The following PRPF6 variants were observed in gnomAD, a reference collection of about 807,000 sequenced individuals.
PRPF6 encodes the protein pre-mRNA-processing factor 6.
Under a neutral mutation model 118.3 loss-of-function variants are expected in PRPF6, and 42 were observed. The observed-to-expected ratio is 0.35, with a 90% CI of 0.28 to 0.46. PRPF6 has a LOEUF of 0.46. Among genes scored for constraint, PRPF6 ranks in the 20% least tolerant of loss-of-function variants. PRPF6 has a pLI of 1.00. For synonymous variants in PRPF6, 481 were observed against 485.1 expected (o/e 0.99, Z 0.11); for missense variants, 662 against 1,255.7 (o/e 0.53, Z 7.15).
At chr20:63,984,635 A>G (rs541805311) in intron 2 of PRPF6, among the ~76,000 whole-genome samples, 1 of 152,246 alleles carries the variant, frequency 6.6e-6, no homozygotes, top group African/African-American at 2.4e-5. Flanking sequence ...TTTTCCATGA[A>G]TGTCCGCTTT....
At chr20:64,014,138 C>T (rs1473651378) in intron 11 of PRPF6, among the ~76,000 whole-genome samples, 1 of 151,832 alleles carries the variant, frequency 6.6e-6, no homozygotes, top group Non-Finnish European at 1.5e-5. Context: ...CGCGGTTTTG[C>T]CATGTTGTTC....
chr20:64,023,833 G>A (rs778961285), intron 13 of PRPF6, among the ~76,000 whole-genome samples: 1 of 152,224 alleles, frequency 6.6e-6, no homozygotes, highest in Non-Finnish European at 1.5e-5. Flanking sequence ...TGACCCCTGG[G>A]CACAGTGGGC....
At chr20:64,010,684 G>A (rs185079416) in intron 10 of PRPF6, among the ~76,000 whole-genome samples, 7 of 152,296 alleles carry the variant, frequency 4.6e-5, no homozygotes, top group African/African-American at 7.2e-5. Context: ...TGTCAGCTCC[G>A]CATGACTGCT....
At chr20:64,000,647 C>T (rs1017910866) in intron 8 of PRPF6, among the ~76,000 whole-genome samples, 1 of 151,532 alleles carries the variant, frequency 6.6e-6, no homozygotes, top group Non-Finnish European at 1.5e-5. Flanking sequence ...CAGCTCACTG[C>T]AACCTCTGCC....
chr20:64,016,157 CG>C (rs2123064329), intron 11 of PRPF6, among the ~76,000 whole-genome samples: 1 of 151,652 alleles, frequency 6.6e-6, no homozygotes, highest in South Asian at 2.1e-4. Flanking sequence ...AGTCTTGCTC[CG>C]TTGCCCAGGC....
At position 64,013,481 on chromosome 20, in the gene PRPF6, G is replaced by A. The variant is rs574447272; in HGVS notation, c.1524+1978G>A. 9.9e-5 allele frequency among the ~76,000 whole-genome samples: 15 copies of A among 151,032 alleles called. No homozygotes were observed. The East Asian group carries it at 1.4e-3, about 14-fold the overall frequency. On this transcript the variant is annotated intron_variant, in intron 11 of 20. Coordinates refer to ENST00000266079, the MANE Select transcript of PRPF6 (RefSeq NM_012469.4). ...TTCTTTCTTGAGACAGGGTCTCGCC[G>A]TGTTGCTCAGGCCGGAGTGCAGTGG...
At chr20:64,007,318 C>T (rs1458957250) in intron 9 of PRPF6, among the ~76,000 whole-genome samples, 1 of 152,172 alleles carries the variant, frequency 6.6e-6, no homozygotes, top group Non-Finnish European at 1.5e-5. Flanking sequence ...GGCTGTTTCT[C>T]AGCAGGAGAG....
In PRPF6 at chr20:63,997,794, C is replaced by T. The variant is rs1054761908; in HGVS notation, c.772-1251C>T. 2.4e-4 allele frequency among the ~76,000 whole-genome samples: 36 copies of T among 152,088 alleles called. 1 individual carries two copies. The East Asian group carries it at 2.9e-3, about 12-fold the overall frequency. On this transcript the variant is annotated intron_variant, in intron 6 of 20. Transcript: ENST00000266079. The stretch of plus-strand genomic sequence containing the variant: ...TTCACCATGTTGGCCAGGCTGGTCT[C>T]GAACTCCTGACCTCCAGTGATCCAC...
chr20:64,003,357 C>T (rs1328480479), intron 9 of PRPF6, among the ~76,000 whole-genome samples: 1 of 152,164 alleles, frequency 6.6e-6, no homozygotes, highest in Admixed American at 6.5e-5. Flanking sequence ...AGCGAAATAT[C>T]CCATTGAGGC....
At position 64,026,244 on chromosome 20, in the gene PRPF6, C is replaced by T. The variant is rs564400965; in HGVS notation, c.2028+186C>T. Among the ~76,000 whole-genome samples, 219 of 151,986 alleles carry T rather than the reference C, an allele frequency of 1.4e-3. 4 individuals carry two copies. Among genetic ancestry groups the T allele is most frequent in the Non-Finnish European group, 2.0e-3 (133 of 67,992 alleles). Reference sequence around the variant, plus strand: ...CGTGGTGGCCGGGCGCGGTGGCTCACGCCTGTAATCTCAGCACTTTGGGAG... The same window carrying T: ...CGTGGTGGCCGGGCGCGGTGGCTCATGCCTGTAATCTCAGCACTTTGGGAG... On this transcript the variant is annotated intron_variant, in intron 15 of 20. Coordinates refer to ENST00000266079, the MANE Select transcript of PRPF6 (RefSeq NM_012469.4). This position sits in a 1 kb window ranked among gnomAD's most constrained non-coding sequence, Gnocchi z 4.4.
chr20:64,003,365 G>A lies in PRPF6; in HGVS notation c.1186+2126G>A, dbSNP rs116403132. Among the ~76,000 whole-genome samples the A allele has an allele frequency of 8.6e-3, 1,304 of 152,292 alleles. 22 individuals carry two copies. The highest frequency in any genetic ancestry group is 0.03 in the African/African-American group (1,238 of 41,564). ...GTCTTTAAGCGAAATATCCCATTGA[G>A]GCTTCTGTGCTGATAGGACCGTGCA... On this transcript the variant is annotated intron_variant, in intron 9 of 20. Transcript: ENST00000266079.
rs1456488260 is a variant in PRPF6 at position 63,981,282 on chromosome 20, G to T, written c.37G>T (p.Ala13Ser). Residue 13 changes from alanine to serine, a missense_variant, in exon 1 of 21, where the codon GCG becomes TCG. By Grantham distance (99) the Ala-to-Ser change is moderately conservative. This residue lies in a region of PRPF6 where 5 missense variants were observed against 19.7 expected (regional missense o/e 0.25). Coordinates refer to ENST00000266079, the MANE Select transcript of PRPF6 (RefSeq NM_012469.4). ...KKKKPFLGMP[A>S]PLGYVPGLGR... ...GAAGAAACCGTTCCTAGGGATGCCC[G>T]CGCCCCTCGGCTACGTGCCGGGGCT... is the stretch of plus-strand genomic sequence containing the variant. 5 of 1,607,752 alleles carry T rather than the reference G, an allele frequency of 3.1e-6. No homozygotes were observed. Among genetic ancestry groups the T allele is most frequent in the African/African-American group, 1.3e-5 (1 of 74,950 alleles).
At chr20:63,993,304 G>T in intron 3 of PRPF6, 103 bp from the exon 4 acceptor site, 1 of 639,838 alleles carries the variant, frequency 1.6e-6, no homozygotes. Context: ...TAGCTACTAA[G>T]AGTATGGAAT....
At position 64,028,691 on chromosome 20, in the gene PRPF6, A is replaced by T. The variant is rs976815445; in HGVS notation, c.2431+122A>T. 6.8e-6 allele frequency: 7 copies of T among 1,026,816 alleles called. No homozygotes were observed. The African/African-American group carries it at 1.1e-4, about 16-fold the overall frequency. 63.6% of individuals were successfully genotyped at this position (1,026,816 alleles called of 1,614,324 possible). A position where few individuals can be genotyped will look rare whatever the true frequency, so the allele number is the denominator to read the frequency against. ...CCGCAGGGCTGGCACTTCCTGAGGG[A>T]GTGGGGGCTCAGGCTTCAGACGGAC... On this transcript the variant is annotated intron_variant, in intron 18 of 20. Coordinates refer to ENST00000266079, the MANE Select transcript of PRPF6 (RefSeq NM_012469.4). The surrounding 1 kb of genome is among the most constrained non-coding windows in gnomAD (Gnocchi z 6.5).
rs2059322571 is a variant in PRPF6 at position 64,033,002 on chromosome 20, T to C, written c.*9T>C. 1.2e-6 allele frequency: 2 copies of C among 1,613,126 alleles called. No individual in the cohort carries two copies. Among genetic ancestry groups the C allele is most frequent in the East Asian group, 2.2e-5 (1 of 44,884 alleles). On this transcript the variant is annotated 3_prime_UTR_variant, in exon 21 of 21. Coordinates refer to ENST00000266079, the MANE Select transcript of PRPF6 (RefSeq NM_012469.4). ...TCAAGAACACCTTCTGATTGAGCGG[T>C]TGCCATGGCCGGTCTCCGTGGGGCA... is the stretch of plus-strand genomic sequence containing the variant.
rs1425159448 is a variant in PRPF6, at chr20:63,995,059, A to G, written c.582A>G (p.Gly194=). The G allele has an allele frequency of 1.9e-6, 3 of 1,614,164 alleles. No homozygotes were observed. In the South Asian group the frequency reaches 3.3e-5, roughly 18 times the overall value. ...DSFFAKHLQT[G]ENHTSVDPRQ... is the part of the protein sequence containing the mutation. ...TCTTTGCCAAACATTTACAGACCGG[A>G]GAGAACCATACCTCAGTGGATCCCC... is the stretch of plus-strand genomic sequence containing the variant. The change falls in exon 5 of 21, where the codon GGA becomes GGG. Residue 194 remains glycine, a synonymous_variant. Coordinates refer to ENST00000266079, the MANE Select transcript of PRPF6 (RefSeq NM_012469.4).
At chr20:64,007,973 C>T (rs1248214037) in intron 9 of PRPF6, among the ~76,000 whole-genome samples, 2 of 152,180 alleles carry the variant, frequency 1.3e-5, no homozygotes, top group Non-Finnish European at 2.9e-5. Flanking sequence ...GACAAGGTTT[C>T]ACTGTGTTGG....
chr20:63,993,283 TATA>T, intron 3 of PRPF6, 121 bp from the exon 4 acceptor site: 1 of 517,500 alleles, frequency 1.9e-6, no homozygotes, highest in Non-Finnish European at 3.6e-6. Flanking sequence ...TATATATATA[TATA>T]TTTGATTTAG....
At position 64,001,151 on chromosome 20, in the gene PRPF6, C is replaced by T. The variant is rs908278103; in HGVS notation, c.1098C>T (p.Val366=). ...DTAKAVVAQA[V]RHLPQSVRIY... is the part of the protein sequence containing the mutation. Reference sequence around the variant, plus strand: ...CCAAGGCCGTGGTAGCCCAAGCTGTCCGTCATCTCCCACAGTCTGTCAGGA... The same window carrying T: ...CCAAGGCCGTGGTAGCCCAAGCTGTTCGTCATCTCCCACAGTCTGTCAGGA... The change falls in exon 9 of 21, where the codon GTC becomes GTT. Residue 366 remains valine, a synonymous_variant. Coordinates refer to ENST00000266079, the MANE Select transcript of PRPF6 (RefSeq NM_012469.4). 8 of 1,614,080 alleles carry T rather than the reference C, an allele frequency of 5.0e-6. No homozygotes were observed. In the African/African-American group the frequency reaches 6.7e-5, roughly 13 times the overall value.
Sources: gnomAD v4.1 joint callset for allele counts (sites outside exome capture counted in the v4.1 genomes callset) on GRCh38, gnomAD v4.1.1 for gene constraint, gnomAD v4.1.1 regional missense constraint, Gnocchi (gnomAD v3.1) non-coding constraint, MANE v1.5 for transcripts, NCBI Gene and HGNC (gene_info 2026-07-23, HGNC 2026-07-21) for gene names.